The following MOSPD2 variants were observed in gnomAD, a reference collection of about 807,000 sequenced individuals.
The protein encoded by MOSPD2 is motile sperm domain containing 2.
A neutral mutation model predicts 41.7 loss-of-function variants in MOSPD2; 5 were observed. The observed-to-expected ratio is 0.12, with a 90% CI of 0.06 to 0.25. The LOEUF (loss-of-function observed/expected upper bound fraction) is 0.25, where lower values mean the gene tolerates loss of function less well. MOSPD2 is among the 10% of genes least tolerant of loss of function. MOSPD2 has a pLI of 1.00. For missense variants in MOSPD2, 282 were observed against 375.2 expected (o/e 0.75, Z 2.05); for synonymous variants, 115 against 126.9 (o/e 0.91, Z 0.63).
In MOSPD2 at chrX:14,912,653, T is replaced by C. The variant is rs187760268; in HGVS notation, c.992+292T>C. Among the ~76,000 whole-genome samples the C allele has an allele frequency of 2.9e-3, 324 of 112,118 alleles. 1 individual carries two copies. Among genetic ancestry groups the C allele is most frequent in the African/African-American group, 0.01 (312 of 30,924 alleles). ...GCATGTATTTTCCTCACATTACTGATACTATTAGACTTGCCCAAGTTTGGG... is the reference window on the plus strand; with the variant it reads ...GCATGTATTTTCCTCACATTACTGACACTATTAGACTTGCCCAAGTTTGGG... On this transcript the variant is annotated intron_variant, in intron 10 of 14. Coordinates refer to ENST00000380492, the MANE Select transcript of MOSPD2 (RefSeq NM_152581.4).
intron 5 of MOSPD2, among the ~76,000 whole-genome samples, chrX:14,899,268 T>C (rs1317621922): frequency 9.2e-6 from 1 of 108,479 alleles, no homozygotes; most frequent in Non-Finnish European, 1.9e-5. Flanking sequence ...CATCTTATCA[T>C]ATCCACTTGA....
At position 14,920,679 on chromosome X, in the gene MOSPD2, G is replaced by A. The variant is rs1390668545; in HGVS notation, c.*870G>A. ...TCTTCACCCCCATTCCAGAGCAGAGGAGTCTCTGTGGACCATGAATTGCAC... is the reference window on the plus strand; with the variant it reads ...TCTTCACCCCCATTCCAGAGCAGAGAAGTCTCTGTGGACCATGAATTGCAC... On this transcript the variant is annotated 3_prime_UTR_variant, in exon 15 of 15. Transcript: ENST00000380492. The A allele has an allele frequency of 1.3e-6, 1 of 751,652 alleles. No homozygotes were observed. The highest frequency in any genetic ancestry group is 1.6e-6 in the Non-Finnish European group (1 of 638,840). The allele number at this position is 751,652 out of a possible 1,213,427, so 61.9% of individuals were successfully genotyped here.
rs991214846 is a variant in MOSPD2, at chrX:14,873,939, G to A, written c.79+181G>A. 8.1e-5 allele frequency: 38 copies of A among 468,293 alleles called. No individual in the cohort carries two copies. In the African/African-American group the frequency reaches 8.5e-4, roughly 10 times the overall value. The allele number at this position is 468,293 out of a possible 1,213,427, so 38.6% of individuals were successfully genotyped here. A position where few individuals can be genotyped will look rare whatever the true frequency, so the allele number is the denominator to read the frequency against. Reference sequence around the variant, plus strand: ...CAAGCCGTGTGCACTGCTTCAAATGGTCAAGTGGTGTGTCCCATGCTCCCT... The same window carrying A: ...CAAGCCGTGTGCACTGCTTCAAATGATCAAGTGGTGTGTCCCATGCTCCCT... On this transcript the variant is annotated intron_variant, in intron 2 of 14. Transcript: ENST00000380492.
chrX:14,891,533 TTTTC>T (rs1258048140), intron 2 of MOSPD2, among the ~76,000 whole-genome samples: 1 of 109,932 alleles, frequency 9.1e-6, no homozygotes, highest in Non-Finnish European at 1.9e-5. Flanking sequence ...TGTTGTTGTT[TTTTC>T]TTTTTTTGTC....
chrX:14,877,528 G>C (rs1010870827), intron 2 of MOSPD2, among the ~76,000 whole-genome samples: 2 of 109,137 alleles, frequency 1.8e-5, no homozygotes, highest in Non-Finnish European at 3.8e-5. Context: ...TTTTAATAGA[G>C]ATGCGGTTTC....
At chrX:14,891,364 T>A (rs1260716878) in intron 2 of MOSPD2, among the ~76,000 whole-genome samples, 7 of 111,182 alleles carry the variant, frequency 6.3e-5, no homozygotes, top group Middle Eastern at 4.6e-3. Flanking sequence ...AGTGTGTGTG[T>A]GAGCAACTGA....
rs772344366 is a variant in MOSPD2, at chrX:14,916,408, C to T, written c.1316+82C>T. 2.6e-6 allele frequency: 3 copies of T among 1,168,251 alleles called. No individual in the cohort carries two copies. The South Asian group carries it at 5.7e-5, about 22-fold the overall frequency. On this transcript the variant is annotated intron_variant, in intron 13 of 14. Transcript: ENST00000380492. ...AGTGCCTCCATGGACCAGGTGGCCT[C>T]CCTTTCTTCTTGCATCTGCTGGGTG...
chrX:14,920,247 T>G lies in MOSPD2; in HGVS notation c.*438T>G. Reference sequence around the variant, plus strand: ...AGCTGACTTACTAGCTTTTCTATACTATGTATATAGAAGAACATGTATATT... The same window carrying G: ...AGCTGACTTACTAGCTTTTCTATACGATGTATATAGAAGAACATGTATATT... On this transcript the variant is annotated 3_prime_UTR_variant, in exon 15 of 15. Transcript: ENST00000380492. 1 of 735,286 alleles carries G rather than the reference T, an allele frequency of 1.4e-6. No individual in the cohort carries two copies. The highest frequency in any genetic ancestry group is 1.6e-6 in the Non-Finnish European group (1 of 621,597). 60.6% of individuals were successfully genotyped at this position (735,286 alleles called of 1,213,427 possible). A position where few individuals can be genotyped will look rare whatever the true frequency, so the allele number is the denominator to read the frequency against.
At position 14,895,413 on chromosome X, in the gene MOSPD2, T is replaced by C. The variant is rs1463076881; in HGVS notation, c.322+19T>C. On this transcript the variant is annotated intron_variant, in intron 4 of 14. Coordinates refer to ENST00000380492, the MANE Select transcript of MOSPD2 (RefSeq NM_152581.4). ...AAATTGTGTAAGTATATTTAATTTA[T>C]GTTCTGGCTTTTCAAGATTTTGAGA... 6 of 922,076 alleles carry C rather than the reference T, an allele frequency of 6.5e-6. No individual in the cohort carries two copies. In the East Asian group the frequency reaches 1.6e-4, roughly 24 times the overall value. The allele number at this position is 922,076 out of a possible 1,213,427, so 76.0% of individuals were successfully genotyped here.
At chrX:14,877,057 T>C (rs1414811760) in intron 2 of MOSPD2, among the ~76,000 whole-genome samples, 1 of 111,528 alleles carries the variant, frequency 9.0e-6, no homozygotes, top group African/African-American at 3.3e-5. Context: ...TCCAAAGTAA[T>C]AGGAAGTCTA....
At chrX:14,896,354 A>G (rs771035965) in intron 4 of MOSPD2, among the ~76,000 whole-genome samples, 2 of 110,627 alleles carry the variant, frequency 1.8e-5, no homozygotes, top group South Asian at 3.8e-4. Context: ...CCTCAGGCCC[A>G]CTCATTGGCT....
rs891741470 is a variant in MOSPD2, at chrX:14,920,412, T to C, written c.*603T>C. ...AACCACCTTAACCTTTGTTTCTCAGTGTTCCTTAACAGCCTGCCTTTTATT... is the reference window on the plus strand; with the variant it reads ...AACCACCTTAACCTTTGTTTCTCAGCGTTCCTTAACAGCCTGCCTTTTATT... On this transcript the variant is annotated 3_prime_UTR_variant, in exon 15 of 15. Coordinates refer to ENST00000380492, the MANE Select transcript of MOSPD2 (RefSeq NM_152581.4). 77 of 753,437 alleles carry C rather than the reference T, an allele frequency of 1.0e-4. No individual in the cohort carries two copies. Among genetic ancestry groups the C allele is most frequent in the Middle Eastern group, 1.5e-3 (2 of 1,322 alleles). The allele number at this position is 753,437 out of a possible 1,213,427, so 62.1% of individuals were successfully genotyped here.
intron 2 of MOSPD2, chrX:14,885,146 T>A (rs2092538760): frequency 1.8e-5 from 2 of 111,814 alleles, no homozygotes; most frequent in African/African-American, 6.5e-5. Flanking sequence ...TAGTACAGAA[T>A]ATATACTTTT....
chrX:14,892,871 T>C lies in MOSPD2; in HGVS notation c.228T>C (p.Ser76=). The C allele has an allele frequency of 8.3e-7, 1 of 1,200,944 alleles. No homozygotes were observed. The highest frequency in any genetic ancestry group is 1.1e-6 in the Non-Finnish European group (1 of 886,347). The change falls in exon 3 of 15, where the codon TCT becomes TCC. Residue 76 remains serine, a synonymous_variant. Coordinates refer to ENST00000380492, the MANE Select transcript of MOSPD2 (RefSeq NM_152581.4). ...GTTTTCAGTGGAGGAAAGAAATTTC[T>C]GTCAATGGTAAGCTGTTCAATTTAA... The part of the protein sequence containing the change: ...DESFQWRKEI[S]VNDLNESSIP...
intron 7 of MOSPD2, among the ~76,000 whole-genome samples, chrX:14,905,896 G>A (rs753677395): frequency 2.1e-4 from 23 of 111,095 alleles, no homozygotes; most frequent in South Asian, 1.1e-3. Flanking sequence ...TATTTTTGTC[G>A]TATTGGTTTT....
chrX:14,887,430 C>G (rs2092543711), intron 2 of MOSPD2, among the ~76,000 whole-genome samples: 1 of 111,367 alleles, frequency 9.0e-6, no homozygotes, highest in African/African-American at 3.3e-5. Flanking sequence ...GGTAGACAGA[C>G]CTCATTTTCA....
intron 3 of MOSPD2, 147 bp from the exon 4 acceptor site, chrX:14,895,161 A>G (rs1461941116): frequency 2.3e-6 from 1 of 430,458 alleles, no homozygotes; most frequent in Non-Finnish European, 4.0e-6. Flanking sequence ...GCACCACTTT[A>G]TATTGCCAGA....
Position 14,915,164 on chromosome X carries a change from T to C in MOSPD2, c.1090-504T>C, listed in dbSNP as rs1355530385. 3.6e-5 allele frequency among the ~76,000 whole-genome samples: 4 copies of C among 112,185 alleles called. No homozygotes were observed. The East Asian group carries it at 1.1e-3, about 31-fold the overall frequency. On this transcript the variant is annotated intron_variant, in intron 11 of 14. Transcript: ENST00000380492. The stretch of plus-strand genomic sequence containing the variant: ...GTTTTTTAATTTCTGAACACCATGG[T>C]ATTAATAACATGCAATCTAATGTGC...
rs1391318384 is a variant in MOSPD2, at chrX:14,921,981, C to T, written c.*2172C>T. The T allele has an allele frequency of 9.0e-6, 1 of 111,471 alleles. No homozygotes were observed. Among genetic ancestry groups the T allele is most frequent in the Non-Finnish European group, 1.9e-5 (1 of 53,162 alleles). The allele number at this position is 111,471 out of a possible 1,213,427, so 9.2% of individuals were successfully genotyped here. On this transcript the variant is annotated 3_prime_UTR_variant, in exon 15 of 15. Transcript: ENST00000380492. The stretch of plus-strand genomic sequence containing the variant: ...GAAATTAATAGATTTTCCATGAAAG[C>T]ATTAGTGAAATATCATTACCTTGAT...
Sources: gnomAD v4.1 joint callset for allele counts (sites outside exome capture counted in the v4.1 genomes callset) on GRCh38, gnomAD v4.1.1 for gene constraint, MANE v1.5 for transcripts, NCBI Gene and HGNC (gene_info 2026-07-23, HGNC 2026-07-21) for gene names.